The following ITGAX variants were observed in gnomAD, a reference collection of about 807,000 sequenced individuals.
ITGAX encodes the protein integrin subunit alpha X.
A neutral mutation model predicts 140.2 loss-of-function variants in ITGAX; 99 were observed. The observed-to-expected ratio is 0.71, with a 90% CI of 0.60 to 0.83. The LOEUF (loss-of-function observed/expected upper bound fraction) is 0.83. Among genes scored for constraint, ITGAX ranks in the 40% least tolerant of loss-of-function variants. The probability of loss-of-function intolerance (pLI) is 0.00; values close to 1 mark genes in which losing one functional copy is unlikely to be tolerated. For synonymous variants in ITGAX, 631 were observed against 600.4 expected, an observed-to-expected ratio of 1.05 and a Z score of -0.75; for missense variants, 1,444 against 1,482.0, an observed-to-expected ratio of 0.97 and a Z score of 0.42.
In ITGAX at chr16:31,371,395, T is replaced by A. The variant is rs1297503086; in HGVS notation, c.1903T>A (p.Ser635Thr). 1.9e-6 allele frequency: 3 copies of A among 1,614,170 alleles called. No homozygotes were observed. Among genetic ancestry groups the A allele is most frequent in the South Asian group, 1.1e-5 (1 of 91,076 alleles). ...MQFIPAEIPRSAFECREQVVS... is the reference protein window; with the variant it reads ...MQFIPAEIPRTAFECREQVVS... ...GTTCATACCTGCCGAGATCCCCAGG[T>A]CTGCGTTTGAGTGTCGGGAGCAGGT... The change falls in exon 16 of 30, where the codon TCT becomes ACT. Residue 635 changes from serine to threonine, a missense_variant. Coordinates refer to ENST00000268296, the MANE Select transcript of ITGAX (RefSeq NM_000887.5).
In ITGAX at chr16:31,381,000, T is replaced by C. The variant is rs761422258; in HGVS notation, c.3380T>C (p.Leu1127Pro). The C allele has an allele frequency of 6.2e-7, 1 of 1,610,698 alleles. No homozygotes were observed. The highest frequency in any genetic ancestry group is 8.5e-7 in the Non-Finnish European group (1 of 1,176,994). Residue 1127 changes from leucine to proline, a missense_variant, in exon 29 of 30, where the codon CTG becomes CCG. Physicochemically the swap from Leu to Pro is moderately conservative, Grantham distance 98 (BLOSUM62 -3). Transcript: ENST00000268296. ...CTGCTGGCACTCATCACAGCGGTAC[T>C]GTACAAAGTGAGTGTTTTATGCCAC... ...LLLLALITAV[L>P]YKVGFFKRQY... is the part of the protein sequence containing the mutation.
At chr16:31,356,514 A>G (rs1192101417) in intron 2 of ITGAX, 111 bp from the exon 3 acceptor site, 2 of 671,798 alleles carry the variant, frequency 3.0e-6, no homozygotes, top group African/African-American at 1.8e-5. Context: ...ATTAAAATCC[A>G]TCTTGCAGAT....
intron 17 of ITGAX, 25 bp downstream of exon 17, chr16:31,371,809 G>A (rs764660622): frequency 3.7e-6 from 6 of 1,610,724 alleles, no homozygotes; most frequent in Non-Finnish European, 5.1e-6. Context: ...GAACGTGGGT[G>A]GCGGCCGCGC....
chr16:31,368,320 C>A (rs2080912538), intron 14 of ITGAX, among the ~76,000 whole-genome samples: 1 of 151,408 alleles, frequency 6.6e-6, no homozygotes, highest in African/African-American at 2.4e-5. Context: ...ATAGGGAAAC[C>A]TCTCTACTAA....
At position 31,372,381 on chromosome 16, in the gene ITGAX, T is replaced by C. The variant is rs747933538; in HGVS notation, c.2164T>C (p.Cys722Arg). Reference protein sequence around the residue: ...CENFNLLLPSCVEDSVTPITL... With the variant: ...CENFNLLLPSRVEDSVTPITL... ...CCCCGCGACGCCCGTCCCCCAGAGC[T>C]GCGTGGAGGACTCTGTGACCCCCAT... The change falls in exon 18 of 30, where the codon TGC becomes CGC. Residue 722 changes from cysteine to arginine, a missense_variant. Coordinates refer to ENST00000268296, the MANE Select transcript of ITGAX (RefSeq NM_000887.5). 1.2e-6 allele frequency: 2 copies of C among 1,602,352 alleles called. No homozygotes were observed. Among genetic ancestry groups the C allele is most frequent in the Admixed American group, 3.6e-5 (2 of 55,270 alleles).
chr16:31,360,908 C>T (rs944944158), intron 8 of ITGAX, 155 bp from the exon 9 acceptor site: 2 of 695,070 alleles, frequency 2.9e-6, no homozygotes, highest in Non-Finnish European at 4.8e-6. Flanking sequence ...ATCCTTTCTC[C>T]TAAACTCCCT....
In ITGAX at chr16:31,362,962, T is replaced by TGCTCCGTG. The variant is rs757517319; in HGVS notation, c.1389_1396dup (p.Asp466AlafsTer5). 2 of 1,611,886 alleles carry TGCTCCGTG rather than the reference T, an allele frequency of 1.2e-6. No homozygotes were observed. Among genetic ancestry groups the TGCTCCGTG allele is most frequent in the South Asian group, 2.2e-5 (2 of 90,994 alleles). On this transcript the variant is annotated frameshift_variant, in exon 13 of 30. Transcript: ENST00000268296. LOFTEE classifies it high-confidence loss of function. ...CGGCTCCTACTTCGGGGCCTCCCTC[T>TGCTCCGTG]GCTCCGTGGACGTAGACAGCGACGG...
intron 14 of ITGAX, among the ~76,000 whole-genome samples, chr16:31,365,166 CAG>C (rs974502407): frequency 3.1e-4 from 47 of 152,192 alleles, no homozygotes; most frequent in African/African-American, 1.1e-3. Context: ...TCTGTAGAGA[CAG>C]AAAGTAGATG....
At chr16:31,362,292 T>A in intron 11 of ITGAX, 88 bp downstream of exon 11, 1 of 1,337,568 alleles carries the variant, frequency 7.5e-7, no homozygotes, top group Non-Finnish European at 9.9e-7. Flanking sequence ...ATGGGGGCTG[T>A]GCTGCCCAGG....
intron 8 of ITGAX, 198 bp downstream of exon 8, chr16:31,360,661 A>G: frequency 1.7e-6 from 1 of 577,234 alleles, no homozygotes. Context: ...CTGGGACCAC[A>G]GGTGTGTGCC....
rs1050331323 is a variant in ITGAX, at chr16:31,379,767, T to G, written c.2879T>G (p.Leu960Arg). The change falls in exon 25 of 30, where the codon CTG (leucine) becomes CGG (arginine). Residue 960 changes from leucine to arginine, a missense_variant. Leu to Arg is a moderately radical substitution (Grantham distance 102). Transcript: ENST00000268296. ...GTGCCCTCTGTGCAGGTCAATAACCTGGGACAGAGGGACCTGCCTGTCAGC... is the reference window on the plus strand; with the variant it reads ...GTGCCCTCTGTGCAGGTCAATAACCGGGGACAGAGGGACCTGCCTGTCAGC... ...VAMHRYQVNN[L>R]GQRDLPVSIN... The G allele has an allele frequency of 4.3e-6, 7 of 1,613,826 alleles. No homozygotes were observed. The highest frequency in any genetic ancestry group is 5.9e-6 in the Non-Finnish European group (7 of 1,179,906).
intron 20 of ITGAX, among the ~76,000 whole-genome samples, chr16:31,375,078 C>T (rs148840158): frequency 5.3e-5 from 8 of 152,218 alleles, no homozygotes; most frequent in South Asian, 4.1e-4. Flanking sequence ...TGCAGTGGCA[C>T]GATCTTGGCT....
chr16:31,368,711 A>G (rs1441251268), intron 14 of ITGAX, among the ~76,000 whole-genome samples: 1 of 151,986 alleles, frequency 6.6e-6, no homozygotes, highest in Non-Finnish European at 1.5e-5. Context: ...CAGATAAACA[A>G]GTGAACAAAG....
In ITGAX at chr16:31,377,031, C is replaced by T; in HGVS notation, c.2657C>T (p.Pro886Leu). 1 of 1,614,224 alleles carries T rather than the reference C, an allele frequency of 6.2e-7. No individual in the cohort carries two copies. The highest frequency in any genetic ancestry group is 8.5e-7 in the Non-Finnish European group (1 of 1,180,034). ...TTCTTGGCTACCTTTGACGTCTCCC[C>T]CAAGGCTGTCCTGGGAGACCGGCTG... ...ITFLATFDVS[P>L]KAVLGDRLLL... The change falls in exon 22 of 30, where the codon CCC (proline) becomes CTC (leucine). Residue 886 changes from proline (P) to leucine (L), a missense_variant. Physicochemically the swap from Pro to Leu is moderately conservative, Grantham distance 98. Transcript: ENST00000268296.
intron 28 of ITGAX, 126 bp from the exon 29 acceptor site, chr16:31,380,771 G>A (rs564831376): frequency 4.3e-5 from 54 of 1,259,290 alleles, no homozygotes; most frequent in Admixed American, 1.3e-4. Context: ...CACGGGTGCT[G>A]CTGTGTCTCA....
rs919488995 is a variant in ITGAX at position 31,377,652 on chromosome 16, G to T, written c.2789+387G>T. Reference sequence around the variant, plus strand: ...CCAGCCAGGTGCACGCTCTGAGCTCGTGTGCTGGGGTGTGCCCCAGGCTCT... The same window carrying T: ...CCAGCCAGGTGCACGCTCTGAGCTCTTGTGCTGGGGTGTGCCCCAGGCTCT... On this transcript the variant is annotated intron_variant, in intron 23 of 29. Transcript: ENST00000268296. Among the ~76,000 whole-genome samples, 21 of 152,332 alleles carry T rather than the reference G, an allele frequency of 1.4e-4. No individual in the cohort carries two copies. In the Middle Eastern group the frequency reaches 0.01, roughly 74 times the overall value.
intron 5 of ITGAX, chr16:31,358,140 G>T (rs2080783135): frequency 6.6e-6 from 1 of 152,208 alleles, no homozygotes; most frequent in Non-Finnish European, 1.5e-5. Context: ...AGAATGCCCA[G>T]GACACCTGTC....
chr16:31,363,228 G>T lies in ITGAX; in HGVS notation c.1564G>T (p.Gly522Trp), dbSNP rs780603033. 6.2e-7 allele frequency: 1 copy of T among 1,613,574 alleles called. No individual in the cohort carries two copies. Among genetic ancestry groups the T allele is most frequent in the East Asian group, 2.2e-5 (1 of 44,870 alleles). Reference sequence around the variant, plus strand: ...GCAGGGCCACCCCTGGGGTCGCTTTGGGGCGGCTCTGACAGTGCTGGGGGA... The same window carrying T: ...GCAGGGCCACCCCTGGGGTCGCTTTTGGGCGGCTCTGACAGTGCTGGGGGA... Reference protein sequence around the residue: ...GEQGHPWGRFGAALTVLGDVN... With the variant: ...GEQGHPWGRFWAALTVLGDVN... The change falls in exon 14 of 30, where the codon GGG becomes TGG. Residue 522 changes from glycine to tryptophan, a missense_variant. Physicochemically the swap from Gly to Trp is radical, Grantham distance 184. Transcript: ENST00000268296.
At chr16:31,357,808 G>C (rs2080779795) in intron 5 of ITGAX, 1 of 404,118 alleles carries the variant, frequency 2.5e-6, no homozygotes, top group Non-Finnish European at 4.3e-6. Flanking sequence ...AGTGCAGTGT[G>C]AGCAACGTGT....
Sources: gnomAD v4.1 joint callset for allele counts (sites outside exome capture counted in the v4.1 genomes callset) on GRCh38, gnomAD v4.1.1 for gene constraint, MANE v1.5 for transcripts, NCBI Gene and HGNC (gene_info 2026-07-23, HGNC 2026-07-21) for gene names.